Variants in CDC14B observed in about 807,000 individuals in gnomAD.
The protein encoded by CDC14B is cell division cycle 14B.
CDC14B carries 22 observed loss-of-function variants against 64.2 expected under a neutral mutation model. The observed-to-expected ratio is 0.34, with a 90% CI of 0.24 to 0.49. The LOEUF (loss-of-function observed/expected upper bound fraction) is 0.49. Ranked by LOEUF, CDC14B falls within the 20% of genes least tolerant of loss-of-function variation. CDC14B has a pLI of 0.99. For missense variants in CDC14B, 498 were observed against 629.9 expected (o/e 0.79, Z 2.24); for synonymous variants, 191 against 215.8 (o/e 0.89, Z 1.01).
chr9:96,546,464 G>A lies in CDC14B; in HGVS notation c.498-4572C>T, dbSNP rs924937785. Among the ~76,000 whole-genome samples, 12 of 149,036 alleles carry A rather than the reference G, an allele frequency of 8.1e-5. No individual in the cohort carries two copies. In the South Asian group the frequency reaches 2.3e-3, roughly 29 times the overall value. On this transcript the variant is annotated intron_variant, in intron 5 of 13. Transcript: ENST00000375241. ...TTTTTTTTTTTTTGCGGGGAGTGGGGTGGGGACGGAGTTTCGCTCTTGTCG... is the reference window on the plus strand; with the variant it reads ...TTTTTTTTTTTTTGCGGGGAGTGGGATGGGGACGGAGTTTCGCTCTTGTCG...
chr9:96,563,654 G>GAAAAAAAAAAAAAAAAAAAAAA (rs1564347187), intron 3 of CDC14B, among the ~76,000 whole-genome samples: 1 of 114,720 alleles, frequency 8.7e-6, no homozygotes, highest in African/African-American at 7.0e-5. Flanking sequence ...CTGTCTCACG[G>GAAAAAAAAAAAAAAAAAAAAAA]GAAAAAAAAA....
Position 96,553,360 on chromosome 9 carries a change from C to CTT in CDC14B, c.421-1490_421-1489dup, listed in dbSNP as rs113951578. On this transcript the variant is annotated intron_variant, in intron 4 of 13. Transcript: ENST00000375241. Reference sequence around the variant, plus strand: ...TGTTTCTGTTTCTTTCTTTTCTTTTCTTTTTTTTTTTTTTTGAGATGGAGT... The same window carrying CTT: ...TGTTTCTGTTTCTTTCTTTTCTTTTCTTTTTTTTTTTTTTTTTGAGATGGAGT... 4.5e-3 allele frequency among the ~76,000 whole-genome samples: 627 copies of CTT among 138,594 alleles called. 6 individuals are homozygous for CTT. The highest frequency in any genetic ancestry group is 0.016 in the African/African-American group (579 of 37,316). The allele number at this position is 138,594 out of a possible 152,430, so 90.9% of individuals were successfully genotyped here. A position where few individuals can be genotyped will look rare whatever the true frequency, so the allele number is the denominator to read the frequency against.
At chr9:96,594,570 G>C (rs1845958399) in intron 1 of CDC14B, among the ~76,000 whole-genome samples, 1 of 151,866 alleles carries the variant, frequency 6.6e-6, no homozygotes, top group African/African-American at 2.4e-5. Flanking sequence ...CATAAAAATT[G>C]GCAGGGTGTG....
chr9:96,509,838 C>T, intron 12 of CDC14B, 49 bp from the exon 13 acceptor site: 1 of 1,180,024 alleles, frequency 8.5e-7, no homozygotes, highest in Non-Finnish European at 1.2e-6. Context: ...AAACCATTTG[C>T]AAATACTTGA....
intron 1 of CDC14B, among the ~76,000 whole-genome samples, chr9:96,579,501 G>T (rs1845009558): frequency 6.6e-6 from 1 of 151,782 alleles, no homozygotes; most frequent in Non-Finnish European, 1.5e-5. Flanking sequence ...CAGGAGAACG[G>T]CCTGAACCCG....
In CDC14B at chr9:96,503,655, A is replaced by C; in HGVS notation, c.*98T>G. The C allele has an allele frequency of 9.2e-7, 1 of 1,082,392 alleles. No homozygotes were observed. The highest frequency in any genetic ancestry group is 2.0e-5 in the Admixed American group (1 of 51,274). 67.0% of individuals were successfully genotyped at this position (1,082,392 alleles called of 1,614,324 possible). A position where few individuals can be genotyped will look rare whatever the true frequency, so the allele number is the denominator to read the frequency against. On this transcript the variant is annotated 3_prime_UTR_variant, in exon 14 of 14. Coordinates refer to ENST00000375241, the MANE Select transcript of CDC14B (RefSeq NM_033331.4). ...AACTTCTTAGGTGGAAAAAGCAACT[A>C]AGGCTTTTGCAATTTTGTTTTGTTT...
intron 1 of CDC14B, among the ~76,000 whole-genome samples, chr9:96,574,318 G>A (rs1449553403): frequency 6.6e-6 from 1 of 152,032 alleles, no homozygotes; most frequent in Non-Finnish European, 1.5e-5. Context: ...ACAAATCAAT[G>A]GGAGAAGAAT....
intron 1 of CDC14B, among the ~76,000 whole-genome samples, chr9:96,565,958 A>G (rs1843850054): frequency 6.6e-6 from 1 of 152,282 alleles, no homozygotes; most frequent in African/African-American, 2.4e-5. Context: ...GCTTACAGCT[A>G]TAGAACAAAC....
At position 96,547,396 on chromosome 9, in the gene CDC14B, G is replaced by A. The variant is rs375527635; in HGVS notation, c.497+4400C>T. ...CAGGAGAATCGCTTGAACCCAGGAGGTGGAGGCTGCAGTGAGCCGAGATCA... is the reference window on the plus strand; with the variant it reads ...CAGGAGAATCGCTTGAACCCAGGAGATGGAGGCTGCAGTGAGCCGAGATCA... On this transcript the variant is annotated intron_variant, in intron 5 of 13. Coordinates refer to ENST00000375241, the MANE Select transcript of CDC14B (RefSeq NM_033331.4). Among the ~76,000 whole-genome samples the A allele has an allele frequency of 2.0e-5, 3 of 151,548 alleles. No homozygotes were observed. The South Asian group carries it at 6.3e-4, about 32-fold the overall frequency.
intron 5 of CDC14B, among the ~76,000 whole-genome samples, chr9:96,549,286 A>G (rs1280529364): frequency 6.6e-6 from 1 of 152,224 alleles, no homozygotes; most frequent in East Asian, 1.9e-4. Context: ...TACAGACATA[A>G]AATTGCTCTA....
chr9:96,519,913 A>G (rs144510030), intron 12 of CDC14B, among the ~76,000 whole-genome samples: 49 of 152,324 alleles, frequency 3.2e-4, no homozygotes, highest in African/African-American at 1.1e-3. Flanking sequence ...ACAGAAATCA[A>G]TGAGTCAAAC....
intron 1 of CDC14B, among the ~76,000 whole-genome samples, chr9:96,575,110 T>C (rs1292133224): frequency 1.3e-5 from 2 of 152,202 alleles, no homozygotes; most frequent in Non-Finnish European, 2.9e-5. Context: ...CGGTGCTACA[T>C]GTCCTCCGGA....
chr9:96,505,186 A>C (rs1416416558), intron 13 of CDC14B, among the ~76,000 whole-genome samples: 2 of 143,742 alleles, frequency 1.4e-5, no homozygotes, highest in Non-Finnish European at 3.1e-5. Context: ...GTCTCATTTA[A>C]AAAAAAAAAA....
At chr9:96,581,791 TC>T (rs1188730561) in intron 1 of CDC14B, among the ~76,000 whole-genome samples, 6 of 152,284 alleles carry the variant, frequency 3.9e-5, no homozygotes, top group Admixed American at 1.3e-4. Flanking sequence ...GTCCTCTGCA[TC>T]CCTGTTCAGT....
intron 9 of CDC14B, among the ~76,000 whole-genome samples, chr9:96,533,417 T>C (rs907904194): frequency 6.6e-6 from 1 of 152,224 alleles, no homozygotes. Flanking sequence ...TCTCCCCCTT[T>C]CCCCAAGGCT....
In CDC14B at chr9:96,522,993, G is replaced by A. The variant is rs16911065; in HGVS notation, c.1245+268C>T. 5.4e-3 allele frequency among the ~76,000 whole-genome samples: 827 copies of A among 152,266 alleles called. 11 individuals are homozygous for A. Among genetic ancestry groups the A allele is most frequent in the East Asian group, 0.033 (169 of 5,174 alleles). ...TCAGCTGTTGTGAAATGGCAAAAAG[G>A]GGTGAGGGGCAGGGGTAGATCTGGC... On this transcript the variant is annotated intron_variant, in intron 11 of 13. Transcript: ENST00000375241.
chr9:96,523,089 C>T (rs886969934), intron 11 of CDC14B, among the ~76,000 whole-genome samples, 172 bp downstream of exon 11: 3 of 152,148 alleles, frequency 2.0e-5, no homozygotes, highest in African/African-American at 4.8e-5. Context: ...GACACACAAC[C>T]TTGTTTCCAC....
At chr9:96,565,297 A>G in intron 2 of CDC14B, 96 bp downstream of exon 2, 1 of 724,830 alleles carries the variant, frequency 1.4e-6, no homozygotes. Context: ...TTAGCAATCA[A>G]TAGATTTATA....
chr9:96,540,601 A>T (rs572944470), intron 6 of CDC14B, among the ~76,000 whole-genome samples: 1 of 152,096 alleles, frequency 6.6e-6, no homozygotes, highest in African/African-American at 2.4e-5. Context: ...GCAATACCCA[A>T]TTAAAAAAAA....
Sources: allele counts gnomAD v4.1 joint callset (sites outside exome capture counted in the v4.1 genomes callset), GRCh38; gene constraint gnomAD v4.1.1; transcripts MANE v1.5; gene names NCBI Gene and HGNC (gene_info 2026-07-23, HGNC 2026-07-21).